GPR161: variants seen among roughly 807,000 people sequenced by gnomAD.
GPR161 encodes the protein G protein-coupled receptor 161, also known as G-protein coupled receptor RE2.
A neutral mutation model predicts 39.2 loss-of-function variants in GPR161; 25 were observed. The ratio of observed to expected loss-of-function variants is 0.64; its 90% confidence interval spans 0.47 to 0.89. The LOEUF is 0.89. Among genes scored for constraint, GPR161 ranks in the 40% least tolerant of loss-of-function variants. The pLI is 0.00. For synonymous variants in GPR161, 286 were observed against 276.6 expected (o/e 1.03, Z -0.34); for missense variants, 547 against 677.8 (o/e 0.81, Z 2.14).
At chr1:168,132,339 G>C (rs1699054307) in intron 1 of GPR161, among the ~76,000 whole-genome samples, 1 of 151,930 alleles carries the variant, frequency 6.6e-6, no homozygotes, top group East Asian at 2.0e-4. Context: ...TGTAATCCCA[G>C]CACTTTGGGA....
At chr1:168,086,145 T>C (rs1464703408) in intron 5 of GPR161, among the ~76,000 whole-genome samples, 2 of 152,254 alleles carry the variant, frequency 1.3e-5, no homozygotes, top group Non-Finnish European at 2.9e-5. Flanking sequence ...TTTCTACTAA[T>C]GCTAATCAAC....
intron 1 of GPR161, among the ~76,000 whole-genome samples, chr1:168,125,385 A>T (rs566825839): frequency 6.6e-6 from 1 of 152,328 alleles, no homozygotes; most frequent in South Asian, 2.1e-4. Context: ...GAAACTGCTG[A>T]ATTTAAACAA....
At chr1:168,130,656 A>G (rs1362378033) in intron 1 of GPR161, among the ~76,000 whole-genome samples, 2 of 152,126 alleles carry the variant, frequency 1.3e-5, no homozygotes. Flanking sequence ...TTCCCTCTCT[A>G]TGCCCACTTA....
At chr1:168,090,742 G>A in intron 3 of GPR161, 74 bp from the exon 4 acceptor site, 1 of 690,752 alleles carries the variant, frequency 1.4e-6, no homozygotes, top group South Asian at 1.8e-5. Context: ...TTTCCCCACA[G>A]ACCCATCTCC....
chr1:168,087,331 G>C (rs942338076), intron 5 of GPR161, among the ~76,000 whole-genome samples: 3 of 149,524 alleles, frequency 2.0e-5, no homozygotes, highest in African/African-American at 7.7e-5. Context: ...GTAAACACGT[G>C]TGGGTGTGTG....
In GPR161 at chr1:168,136,605, G is replaced by A. The variant is rs920560468; in HGVS notation, c.-45+134C>T. On this transcript the variant is annotated intron_variant, in intron 1 of 5. Transcript: ENST00000682931. ...TCCGAGAGGGGCGCGGGGAGAAAGGGAGCGCCGTGGGGGCGGGGACCCTTC... is the reference window on the plus strand; with the variant it reads ...TCCGAGAGGGGCGCGGGGAGAAAGGAAGCGCCGTGGGGGCGGGGACCCTTC... The A allele has an allele frequency of 5.7e-6, 7 of 1,232,154 alleles. 1 individual carries two copies. The highest frequency in any genetic ancestry group is 4.2e-5 in the Admixed American group (1 of 23,582). The allele number at this position is 1,232,154 out of a possible 1,614,324, so 76.3% of individuals were successfully genotyped here.
intron 1 of GPR161, chr1:168,134,985 C>T: frequency 6.5e-7 from 1 of 1,535,638 alleles, no homozygotes. Context: ...GCTCGCAGCC[C>T]TCTGACCACA....
intron 3 of GPR161, among the ~76,000 whole-genome samples, chr1:168,092,397 C>T (rs898545253): frequency 3.9e-5 from 6 of 152,308 alleles, no homozygotes; most frequent in East Asian, 3.9e-4. Flanking sequence ...CAGGCCAATG[C>T]GGCTCAGCTA....
At chr1:168,119,689 C>A (rs767201587) in intron 1 of GPR161, among the ~76,000 whole-genome samples, 1 of 152,050 alleles carries the variant, frequency 6.6e-6, no homozygotes, top group Non-Finnish European at 1.5e-5. Flanking sequence ...AATCTTATCT[C>A]GAATTGTAAT....
Position 168,136,319 on chromosome 1 carries a change from C to T in GPR161, c.-45+420G>A, listed in dbSNP as rs536389293. On this transcript the variant is annotated intron_variant, in intron 1 of 5. Coordinates refer to ENST00000682931, the MANE Select transcript of GPR161 (RefSeq NM_001375883.1). The stretch of plus-strand genomic sequence containing the variant: ...TTCTCCCCACACCCTTTGCCCTGAG[C>T]GGGACGTGGAGTCTCTTGGCCCCAG... 3.4e-6 allele frequency: 5 copies of T among 1,483,410 alleles called. No individual in the cohort carries two copies. The South Asian group carries it at 3.8e-5, about 11-fold the overall frequency. 91.9% of individuals were successfully genotyped at this position (1,483,410 alleles called of 1,614,324 possible).
At chr1:168,122,777 T>A (rs1005508084) in intron 1 of GPR161, among the ~76,000 whole-genome samples, 3 of 152,152 alleles carry the variant, frequency 2.0e-5, no homozygotes, top group Admixed American at 1.3e-4. Context: ...TATGTAACAC[T>A]TCATACCCCC....
chr1:168,134,834 C>G, intron 1 of GPR161: 1 of 1,382,574 alleles, frequency 7.2e-7, no homozygotes, highest in East Asian at 2.5e-5. Context: ...GCCCTCCTGT[C>G]CACCCGCCTC....
rs115622658 is a variant in GPR161 at position 168,095,137 on chromosome 1, G to A, written c.1099+1371C>T. On this transcript the variant is annotated intron_variant, in intron 3 of 5. Coordinates refer to ENST00000682931, the MANE Select transcript of GPR161 (RefSeq NM_001375883.1). The stretch of plus-strand genomic sequence containing the variant: ...ATAACCTCATTCTAATCTTGAGAAA[G>A]CATCAGATGAACACAAATTAAGGGG... Among the ~76,000 whole-genome samples, 1,092 of 152,322 alleles carry A rather than the reference G, an allele frequency of 7.2e-3. 15 individuals carry two copies. Among genetic ancestry groups the A allele is most frequent in the African/African-American group, 0.024 (1,018 of 41,572 alleles).
chr1:168,085,618 G>A lies in GPR161; in HGVS notation c.1503C>T (p.Gly501=), dbSNP rs897155227. 10 of 1,613,902 alleles carry A rather than the reference G, an allele frequency of 6.2e-6. No homozygotes were observed. Among genetic ancestry groups the A allele is most frequent in the African/African-American group, 4.0e-5 (3 of 74,930 alleles). The change falls in exon 6 of 6, where the codon GGC becomes GGT. Residue 501 remains glycine (G), a synonymous_variant. Transcript: ENST00000682931. ...TCACAAGAGTTCTGCTGCCTCGGCGGCCCCCGAAGCCGCCCCCCGGGACAG... is the reference window on the plus strand; with the variant it reads ...TCACAAGAGTTCTGCTGCCTCGGCGACCCCCGAAGCCGCCCCCCGGGACAG... ...ARTVPGGGFG[G]RRGSRTLVSQ... is the part of the protein sequence containing the mutation.
rs1695721572 is a variant in GPR161 at position 168,098,033 on chromosome 1, G to C, written c.375-801C>G. On this transcript the variant is annotated intron_variant, in intron 2 of 5. Transcript: ENST00000682931. This position sits in a 1 kb window ranked among gnomAD's most constrained non-coding sequence, Gnocchi z 4.1. ...TGCTGCTAGGTAGGAGGTGGGCCAG[G>C]AGGGCTATCCATTCAAACTGGCAGG... Among the ~76,000 whole-genome samples the C allele has an allele frequency of 6.6e-6, 1 of 152,192 alleles. No individual in the cohort carries two copies. The highest frequency in any genetic ancestry group is 2.1e-4 in the South Asian group (1 of 4,834).
intron 1 of GPR161, among the ~76,000 whole-genome samples, chr1:168,121,297 C>T (rs1006759437): frequency 1.3e-5 from 2 of 152,190 alleles, no homozygotes; most frequent in Admixed American, 6.5e-5. Flanking sequence ...CCCCAGGTGA[C>T]ATGGTAAAAC....
rs1270263987 is a variant in GPR161, at chr1:168,084,477, AAGAC to A, written c.*1050_*1053del. ...GATGTCCAAATGACATGTGCACACA[AAGAC>A]AGAGCTGGGCCAATAACCCAGGTTG... is the stretch of plus-strand genomic sequence containing the variant. On this transcript the variant is annotated 3_prime_UTR_variant, in exon 6 of 6. Coordinates refer to ENST00000682931, the MANE Select transcript of GPR161 (RefSeq NM_001375883.1). 1.6e-5 allele frequency: 5 copies of A among 312,480 alleles called. No homozygotes were observed. The highest frequency in any genetic ancestry group is 3.1e-5 in the Non-Finnish European group (5 of 162,670). The allele number at this position is 312,480 out of a possible 1,614,324, so 19.4% of individuals were successfully genotyped here.
chr1:168,104,079 C>G (rs1011117621), intron 2 of GPR161, among the ~76,000 whole-genome samples: 2 of 152,108 alleles, frequency 1.3e-5, no homozygotes, highest in Non-Finnish European at 2.9e-5. Flanking sequence ...GTTCCCTGTT[C>G]GGGCTGCACT....
intron 3 of GPR161, among the ~76,000 whole-genome samples, chr1:168,094,721 T>C (rs1397280701): frequency 6.6e-6 from 1 of 152,240 alleles, no homozygotes; most frequent in Non-Finnish European, 1.5e-5. Context: ...AGATTAGGAC[T>C]GTAGTCCAAG....
Sources: allele counts gnomAD v4.1 joint callset (sites outside exome capture counted in the v4.1 genomes callset), GRCh38; gene constraint gnomAD v4.1.1; non-coding constraint Gnocchi (gnomAD v3.1); transcripts MANE v1.5; gene names NCBI Gene and HGNC (gene_info 2026-07-23, HGNC 2026-07-21).